DNAJC15: variants seen among roughly 807,000 people sequenced by gnomAD.
The protein encoded by DNAJC15 is dnaJ homolog subfamily C member 15.
A neutral mutation model predicts 22.4 loss-of-function variants in DNAJC15; 27 were observed. The ratio of observed to expected loss-of-function variants is 1.20; its 90% CI spans 0.89 to 1.66. DNAJC15 has a LOEUF of 1.66. Among genes scored for constraint, DNAJC15 ranks in the 40% most tolerant of loss-of-function variants. DNAJC15 has a pLI of 0.00. For synonymous variants in DNAJC15, 79 were observed against 63.2 expected (o/e 1.25, Z -1.19); for missense variants, 208 against 187.1 (o/e 1.11, Z -0.65).
intron 1 of DNAJC15, among the ~76,000 whole-genome samples, chr13:43,055,506 C>T (rs1434120082): frequency 2.6e-5 from 4 of 152,274 alleles, no homozygotes; most frequent in East Asian, 1.9e-4. Flanking sequence ...TGTGTGTTCG[C>T]GACCTCCGTC....
At chr13:43,050,559 A>G (rs192896265) in intron 1 of DNAJC15, among the ~76,000 whole-genome samples, 1 of 152,082 alleles carries the variant, frequency 6.6e-6, no homozygotes, top group East Asian at 1.9e-4. Context: ...CAAAATGAAG[A>G]CTTTTATTCT....
In DNAJC15 at chr13:43,107,524, TACACAC is replaced by T. The variant is rs57085120; in HGVS notation, c.*303_*308del. The T allele has an allele frequency of 0.31, 49,440 of 161,460 alleles. 7,603 individuals carry two copies. The highest frequency in any genetic ancestry group is 0.34 in the Non-Finnish European group (25,836 of 75,228). 10.0% of individuals were successfully genotyped at this position (161,460 alleles called of 1,614,324 possible). On this transcript the variant is annotated 3_prime_UTR_variant, in exon 6 of 6. Coordinates refer to ENST00000379221, the MANE Select transcript of DNAJC15 (RefSeq NM_013238.3). ...TTTTGTTATGTTCTGAATTCCCCCC[TACACAC>T]ACACACACACACACACACACACACA...
intron 5 of DNAJC15, among the ~76,000 whole-genome samples, chr13:43,106,366 G>A (rs1161839576): frequency 6.6e-6 from 1 of 152,148 alleles, no homozygotes; most frequent in Non-Finnish European, 1.5e-5. Flanking sequence ...TCATGTGACA[G>A]TTTGGTGCTA....
chr13:43,087,862 G>A (rs2040696575), intron 5 of DNAJC15, among the ~76,000 whole-genome samples: 1 of 152,128 alleles, frequency 6.6e-6, no homozygotes, highest in South Asian at 2.1e-4. Context: ...TTTTAAATAA[G>A]CATTCAGACG....
chr13:43,088,784 A>G (rs1011004746), intron 5 of DNAJC15, among the ~76,000 whole-genome samples: 2 of 152,028 alleles, frequency 1.3e-5, no homozygotes, highest in African/African-American at 4.8e-5. Flanking sequence ...AGAAAGAGAT[A>G]ATCTCCAAGA....
rs114716995 is a variant in DNAJC15, at chr13:43,102,132, G to A, written c.383-5046G>A. Reference sequence around the variant, plus strand: ...TTTAATTATGGCCATTTTTGGAGGAGTAAGATGGTATGGCATTCTGGTTTT... The same window carrying A: ...TTTAATTATGGCCATTTTTGGAGGAATAAGATGGTATGGCATTCTGGTTTT... On this transcript the variant is annotated intron_variant, in intron 5 of 5. Transcript: ENST00000379221. Among the ~76,000 whole-genome samples the A allele has an allele frequency of 2.9e-3, 434 of 152,222 alleles. 2 individuals carry two copies. Among genetic ancestry groups the A allele is most frequent in the African/African-American group, 0.01 (416 of 41,548 alleles).
At chr13:43,078,253 C>T (rs943024792) in intron 3 of DNAJC15, among the ~76,000 whole-genome samples, 1 of 152,106 alleles carries the variant, frequency 6.6e-6, no homozygotes, top group Non-Finnish European at 1.5e-5. Context: ...GTAGGCTAAA[C>T]GATGTCTGCC....
chr13:43,100,454 G>A (rs2456243), intron 5 of DNAJC15, among the ~76,000 whole-genome samples: 37,143 of 151,656 alleles, frequency 0.24, 4,885 homozygotes, highest in Non-Finnish European at 0.31. Context: ...TAAGTGATCC[G>A]TGCCCCCCTC....
At chr13:43,065,221 T>A (rs1430034697) in intron 1 of DNAJC15, among the ~76,000 whole-genome samples, 1 of 152,242 alleles carries the variant, frequency 6.6e-6, no homozygotes, top group African/African-American at 2.4e-5. Context: ...GAATTTTTTA[T>A]CATTTTTGAT....
At chr13:43,028,732 C>G (rs930869476) in intron 1 of DNAJC15, among the ~76,000 whole-genome samples, 1 of 152,092 alleles carries the variant, frequency 6.6e-6, no homozygotes, top group African/African-American at 2.4e-5. Context: ...CTAGAGCTTT[C>G]TCTTCTGAAA....
intron 1 of DNAJC15, among the ~76,000 whole-genome samples, chr13:43,047,264 C>T (rs1414900825): frequency 6.6e-6 from 1 of 152,156 alleles, no homozygotes; most frequent in Non-Finnish European, 1.5e-5. Context: ...CTCCGGAAGC[C>T]TACATGTTGG....
At chr13:43,074,967 T>C (rs760538814) in intron 3 of DNAJC15, among the ~76,000 whole-genome samples, 1 of 152,198 alleles carries the variant, frequency 6.6e-6, no homozygotes, top group Non-Finnish European at 1.5e-5. Context: ...ACTTTTTGTA[T>C]CTGTGGTTTC....
chr13:43,024,893 T>TAAGAAAA (rs61705035), intron 1 of DNAJC15, among the ~76,000 whole-genome samples: 2,617 of 85,952 alleles, frequency 0.03, 166 homozygotes, highest in African/African-American at 0.11. Context: ...CCATCTCTGC[T>TAAGAAAA]AAAAAAAAAA....
chr13:43,049,343 G>A (rs1033261465), intron 1 of DNAJC15, among the ~76,000 whole-genome samples: 17 of 152,118 alleles, frequency 1.1e-4, no homozygotes, highest in East Asian at 1.9e-4. Flanking sequence ...AATAAAAGTC[G>A]AAATACATCT....
At chr13:43,105,582 C>T (rs2040792665) in intron 5 of DNAJC15, among the ~76,000 whole-genome samples, 1 of 152,102 alleles carries the variant, frequency 6.6e-6, no homozygotes, top group African/African-American at 2.4e-5. Context: ...ACATTGCTAT[C>T]AATAAGTATA....
intron 5 of DNAJC15, among the ~76,000 whole-genome samples, chr13:43,090,743 C>T (rs1488976798): frequency 8.1e-5 from 12 of 148,804 alleles, no homozygotes; most frequent in Admixed American, 3.4e-4. Flanking sequence ...AGTCTTGCTC[C>T]GTTGCCCAGG....
chr13:43,051,657 GTGTGTATA>G (rs1460149402), intron 1 of DNAJC15, among the ~76,000 whole-genome samples: 3 of 92,878 alleles, frequency 3.2e-5, no homozygotes, highest in Non-Finnish European at 4.6e-5. Flanking sequence ...GTGTGTGTGT[GTGTGTATA>G]TATATCACAT....
intron 5 of DNAJC15, among the ~76,000 whole-genome samples, chr13:43,091,584 C>T (rs2040715341): frequency 6.6e-6 from 1 of 151,832 alleles, no homozygotes; most frequent in African/African-American, 2.4e-5. Context: ...ATTTTTATTC[C>T]CAATATTAGT....
intron 3 of DNAJC15, among the ~76,000 whole-genome samples, chr13:43,075,197 A>G (rs1386094755): frequency 6.6e-6 from 1 of 152,204 alleles, no homozygotes; most frequent in East Asian, 1.9e-4. Context: ...TTATATGTAT[A>G]TACAGATTGA....
Sources: gnomAD v4.1 joint callset for allele counts (sites outside exome capture counted in the v4.1 genomes callset) on GRCh38, gnomAD v4.1.1 for gene constraint, MANE v1.5 for transcripts, NCBI Gene and HGNC (gene_info 2026-07-23, HGNC 2026-07-21) for gene names.